Variants in CLIC4 observed in about 807,000 individuals in gnomAD.
CLIC4 encodes the protein chloride intracellular channel protein 4.
CLIC4 carries 13 observed loss-of-function variants against 24.6 expected under a neutral mutation model. The ratio of observed to expected loss-of-function variants is 0.53; its 90% CI spans 0.34 to 0.84. The LOEUF (loss-of-function observed/expected upper bound fraction) is 0.84, where lower values mean the gene tolerates loss of function less well. Ranked by LOEUF, CLIC4 falls within the 40% of genes least tolerant of loss-of-function variation. The pLI, the probability that CLIC4 is intolerant of heterozygous loss-of-function variation, is 0.01. For missense variants in CLIC4, 227 were observed against 301.7 expected (o/e 0.75, Z 1.83); for synonymous variants, 104 against 111.3 (o/e 0.93, Z 0.41).
intron 2 of CLIC4, among the ~76,000 whole-genome samples, chr1:24,813,586 T>A (rs1170654690): frequency 6.7e-6 from 1 of 149,888 alleles, no homozygotes; most frequent in East Asian, 2.0e-4. Context: ...GCCCAGCTAA[T>A]TTTTATATTT....
At chr1:24,835,290 C>T (rs1254858849) in intron 4 of CLIC4, among the ~76,000 whole-genome samples, 3 of 152,180 alleles carry the variant, frequency 2.0e-5, no homozygotes, top group African/African-American at 2.4e-5. Context: ...GGGTCAGGTG[C>T]GGTGGCTCAC....
intron 3 of CLIC4, among the ~76,000 whole-genome samples, chr1:24,825,849 G>A (rs1456261774): frequency 6.6e-6 from 1 of 152,206 alleles, no homozygotes; most frequent in Non-Finnish European, 1.5e-5. Flanking sequence ...GCAAGACAAT[G>A]TCTTCAAATA....
intron 4 of CLIC4, among the ~76,000 whole-genome samples, chr1:24,831,156 G>C (rs1639836323): frequency 6.6e-6 from 1 of 152,158 alleles, no homozygotes. Flanking sequence ...TTCATCAGAA[G>C]TGCTTTGCTA....
chr1:24,759,246 CTT>C (rs1638890329), intron 1 of CLIC4, among the ~76,000 whole-genome samples: 1 of 152,174 alleles, frequency 6.6e-6, no homozygotes, highest in Non-Finnish European at 1.5e-5. Flanking sequence ...AGAAACCAGT[CTT>C]TGCCTAGGAA....
chr1:24,753,735 A>G (rs1400152264), intron 1 of CLIC4, among the ~76,000 whole-genome samples: 2 of 152,156 alleles, frequency 1.3e-5, no homozygotes, highest in Admixed American at 1.3e-4. Flanking sequence ...TTCTCCCCAC[A>G]CTTTCCTGTG....
chr1:24,837,763 C>G (rs1382448707), intron 4 of CLIC4, among the ~76,000 whole-genome samples: 1 of 152,168 alleles, frequency 6.6e-6, no homozygotes, highest in Non-Finnish European at 1.5e-5. Flanking sequence ...CCTGCAATCC[C>G]AGCACTTTGG....
intron 3 of CLIC4, among the ~76,000 whole-genome samples, chr1:24,825,040 A>AC (rs1557813784): frequency 2.9e-4 from 43 of 148,580 alleles, no homozygotes; most frequent in African/African-American, 7.5e-4. Flanking sequence ...ACACACACAC[A>AC]AAAGTACAAA....
chr1:24,761,319 T>C (rs1354559881), intron 1 of CLIC4, among the ~76,000 whole-genome samples: 1 of 152,146 alleles, frequency 6.6e-6, no homozygotes, highest in Non-Finnish European at 1.5e-5. Context: ...TAGGTTATTA[T>C]ATCAAAGAAA....
chr1:24,785,854 CAAAAAAAAAA>C (rs61009244), intron 1 of CLIC4, among the ~76,000 whole-genome samples: 943 of 58,946 alleles, frequency 0.016, 8 homozygotes, highest in South Asian at 0.052. Context: ...GACTACAACT[CAAAAAAAAAA>C]AAAAAAAAAA....
chr1:24,803,476 G>T (rs770556588), intron 2 of CLIC4, among the ~76,000 whole-genome samples: 8 of 152,320 alleles, frequency 5.3e-5, no homozygotes, highest in Middle Eastern at 3.4e-3. Flanking sequence ...TGGCATTAAT[G>T]ACTATGCTGG....
chr1:24,761,222 G>A (rs374850590), intron 1 of CLIC4, among the ~76,000 whole-genome samples: 57 of 152,084 alleles, frequency 3.7e-4, no homozygotes, highest in African/African-American at 1.1e-3. Flanking sequence ...GTTTTTTGAC[G>A]TGTTAAATTC....
At chr1:24,818,085 C>A (rs1007290008) in intron 3 of CLIC4, among the ~76,000 whole-genome samples, 1 of 152,040 alleles carries the variant, frequency 6.6e-6, no homozygotes, top group Non-Finnish European at 1.5e-5. Flanking sequence ...TGAAATATTG[C>A]GAAAAATACC....
intron 3 of CLIC4, among the ~76,000 whole-genome samples, chr1:24,820,900 T>G (rs557199429): frequency 1.3e-5 from 2 of 152,126 alleles, no homozygotes; most frequent in South Asian, 2.1e-4. Flanking sequence ...TGAAGACTTT[T>G]GGGCTGGGCG....
At chr1:24,806,799 T>C (rs1026723161) in intron 2 of CLIC4, among the ~76,000 whole-genome samples, 3 of 152,216 alleles carry the variant, frequency 2.0e-5, no homozygotes, top group Admixed American at 6.5e-5. Context: ...TTAGTTCACT[T>C]TCACGTGCCT....
intron 3 of CLIC4, among the ~76,000 whole-genome samples, chr1:24,820,710 T>C (rs57573065): frequency 0.033 from 2,994 of 90,592 alleles, 91 homozygotes; most frequent in African/African-American, 0.086. Context: ...TAGTTTGAAT[T>C]ATTATTCATT....
rs1639793921 is a variant in CLIC4 at position 24,827,109 on chromosome 1, T to A, written c.408T>A (p.Ala136=). The A allele has an allele frequency of 6.3e-7, 1 of 1,597,476 alleles. No individual in the cohort carries two copies. The highest frequency in any genetic ancestry group is 1.4e-5 in the African/African-American group (1 of 73,960). The part of the protein sequence containing the change: ...SAYIKNSRPE[A]NEALERGLLK... ...ATATCAAGAATTCAAGGCCAGAGGC[T>A]AATGAAGGTAAAAAACAAAAACTTG... is the stretch of plus-strand genomic sequence containing the variant. The change falls in exon 4 of 6, where the codon GCT becomes GCA. Residue 136 remains alanine, a synonymous_variant. Transcript: ENST00000374379.
chr1:24,812,297 A>G (rs1467532731), intron 2 of CLIC4, among the ~76,000 whole-genome samples: 1 of 152,166 alleles, frequency 6.6e-6, no homozygotes. Flanking sequence ...TTTTGATATT[A>G]GATAGTCTAA....
At chr1:24,776,364 A>G (rs1639140738) in intron 1 of CLIC4, among the ~76,000 whole-genome samples, 1 of 152,250 alleles carries the variant, frequency 6.6e-6, no homozygotes, top group South Asian at 2.1e-4. Context: ...CTTTCCTCCA[A>G]GTGCCAACTC....
At chr1:24,748,400 T>C (rs1178560950) in intron 1 of CLIC4, among the ~76,000 whole-genome samples, 3 of 152,038 alleles carry the variant, frequency 2.0e-5, no homozygotes, top group Non-Finnish European at 4.4e-5. Context: ...GTTTTCACTC[T>C]TTAAGCCTTG....
Sources: allele counts gnomAD v4.1 joint callset (sites outside exome capture counted in the v4.1 genomes callset), GRCh38; gene constraint gnomAD v4.1.1; transcripts MANE v1.5; gene names NCBI Gene and HGNC (gene_info 2026-07-23, HGNC 2026-07-21).